The following AGPAT5 variants were observed in gnomAD, a reference collection of about 807,000 sequenced individuals.
AGPAT5 encodes the protein 1-acylglycerol-3-phosphate O-acyltransferase 5.
In AGPAT5, 46 loss-of-function variants were observed where a neutral mutation model predicts 45.6. That is an observed-to-expected ratio of 1.01 (90% CI 0.80 to 1.29). AGPAT5 has a LOEUF of 1.29. AGPAT5 is among the 50% of genes most tolerant of loss of function. The probability of loss-of-function intolerance (pLI) is 0.00; values close to 1 mark genes in which losing one functional copy is unlikely to be tolerated. For synonymous variants in AGPAT5, 272 were observed against 167.0 expected, an observed-to-expected ratio of 1.63 and a Z score of -4.85; for missense variants, 673 against 450.7, an observed-to-expected ratio of 1.49 and a Z score of -4.47.
chr8:6,730,914 G>A (rs1279086953), intron 3 of AGPAT5, 88 bp downstream of exon 3: 1 of 814,390 alleles, frequency 1.2e-6, no homozygotes, highest in Non-Finnish European at 1.9e-6. Context: ...TTATTGCTCA[G>A]GCTGAGTGCA....
At chr8:6,736,085 C>T (rs758223620) in intron 4 of AGPAT5, among the ~76,000 whole-genome samples, 1 of 152,132 alleles carries the variant, frequency 6.6e-6, no homozygotes, top group Non-Finnish European at 1.5e-5. Context: ...AACTCCTGAC[C>T]TCTTGATCCG....
At chr8:6,711,323 C>T (rs1026515753) in intron 1 of AGPAT5, among the ~76,000 whole-genome samples, 1 of 152,188 alleles carries the variant, frequency 6.6e-6, no homozygotes, top group Non-Finnish European at 1.5e-5. Flanking sequence ...TCCCCAATTT[C>T]ACTACTTTAT....
chr8:6,754,128 G>C (rs943324758), intron 6 of AGPAT5, among the ~76,000 whole-genome samples: 1 of 152,150 alleles, frequency 6.6e-6, no homozygotes, highest in Non-Finnish European at 1.5e-5. Flanking sequence ...GTTCTTCAAG[G>C]AACTTAAATA....
At chr8:6,745,583 A>T (rs1443984791) in intron 5 of AGPAT5, among the ~76,000 whole-genome samples, 1 of 152,254 alleles carries the variant, frequency 6.6e-6, no homozygotes, top group African/African-American at 2.4e-5. Flanking sequence ...ACAATGGAGT[A>T]TAATTTTTCT....
chr8:6,723,466 C>G (rs1241900726), intron 1 of AGPAT5, among the ~76,000 whole-genome samples: 2 of 152,284 alleles, frequency 1.3e-5, no homozygotes, highest in East Asian at 3.9e-4. Flanking sequence ...CCGCCCACTC[C>G]ACCTCAGCCT....
At chr8:6,755,568 G>A (rs923903317) in intron 7 of AGPAT5, among the ~76,000 whole-genome samples, 4 of 152,206 alleles carry the variant, frequency 2.6e-5, no homozygotes, top group African/African-American at 9.6e-5. Flanking sequence ...CAAGGGAGGG[G>A]TAGAGGACTA....
intron 2 of AGPAT5, among the ~76,000 whole-genome samples, chr8:6,725,396 G>A (rs546676709): frequency 6.6e-6 from 1 of 152,230 alleles, no homozygotes; most frequent in African/African-American, 2.4e-5. Flanking sequence ...TCTTCAAATG[G>A]GTTTGGTTTA....
At chr8:6,734,729 C>G (rs1563294471) in intron 4 of AGPAT5, among the ~76,000 whole-genome samples, 2 of 151,948 alleles carry the variant, frequency 1.3e-5, no homozygotes, top group Non-Finnish European at 2.9e-5. Context: ...GTCTTGATAC[C>G]TGGAAATGGA....
chr8:6,735,229 CT>C, intron 4 of AGPAT5, among the ~76,000 whole-genome samples: 1 of 152,264 alleles, frequency 6.6e-6, no homozygotes, highest in African/African-American at 2.4e-5. Flanking sequence ...TTTGTTGCCC[CT>C]GTTCATCAGT....
intron 2 of AGPAT5, among the ~76,000 whole-genome samples, chr8:6,725,411 T>G (rs1302746384): frequency 1.3e-5 from 2 of 152,244 alleles, no homozygotes; most frequent in African/African-American, 4.8e-5. Flanking sequence ...GGTTTAATTC[T>G]AGTTGCTACT....
chr8:6,722,708 G>A (rs1194372832), intron 1 of AGPAT5, among the ~76,000 whole-genome samples: 2 of 152,218 alleles, frequency 1.3e-5, no homozygotes, highest in South Asian at 2.1e-4. Context: ...GAAAGCCAGT[G>A]TGTGCAAGAT....
chr8:6,723,008 T>C (rs1010720879), intron 1 of AGPAT5, among the ~76,000 whole-genome samples: 11 of 152,222 alleles, frequency 7.2e-5, no homozygotes, highest in African/African-American at 2.7e-4. Flanking sequence ...GCAGGGTACA[T>C]TTGTAGACGG....
intron 1 of AGPAT5, among the ~76,000 whole-genome samples, chr8:6,722,180 G>A (rs1800524657): frequency 6.6e-6 from 1 of 152,134 alleles, no homozygotes; most frequent in South Asian, 2.1e-4. Context: ...TAAGGGACAG[G>A]GAAACACCTT....
chr8:6,749,985 G>C (rs570703108), intron 6 of AGPAT5, among the ~76,000 whole-genome samples: 78 of 152,304 alleles, frequency 5.1e-4, no homozygotes, highest in Middle Eastern at 3.4e-3. Context: ...CCGTGGTGAA[G>C]CTGGCTGACT....
chr8:6,718,007 A>C (rs775305466), intron 1 of AGPAT5, among the ~76,000 whole-genome samples: 3 of 152,180 alleles, frequency 2.0e-5, no homozygotes, highest in Non-Finnish European at 4.4e-5. Context: ...TTAAGTGTCA[A>C]CTTCTCAGTC....
At chr8:6,745,701 G>T (rs1801423195) in intron 5 of AGPAT5, 1 of 149,362 alleles carries the variant, frequency 6.7e-6, no homozygotes. Flanking sequence ...CGTATTCCCT[G>T]TTATTATTTT....
chr8:6,714,631 T>C lies in AGPAT5; in HGVS notation c.219+5744T>C, dbSNP rs56249077. The stretch of plus-strand genomic sequence containing the variant: ...GTTAAAGTTTCCCCTACTCCTACAC[T>C]GCGTACACCTTTCCTAGGTACATCC... On this transcript the variant is annotated intron_variant, in intron 1 of 7. Coordinates refer to ENST00000285518, the MANE Select transcript of AGPAT5 (RefSeq NM_018361.5). Among the ~76,000 whole-genome samples the C allele has an allele frequency of 5.3e-3, 806 of 152,346 alleles. 6 individuals carry two copies. The highest frequency in any genetic ancestry group is 9.5e-3 in the South Asian group (46 of 4,834).
Position 6,758,939 on chromosome 8 carries a change from G to A in AGPAT5, c.*1551G>A, listed in dbSNP as rs569703723. The A allele has an allele frequency of 6.6e-6, 1 of 152,654 alleles. No individual in the cohort carries two copies. The highest frequency in any genetic ancestry group is 2.1e-4 in the South Asian group (1 of 4,824). The allele number at this position is 152,654 out of a possible 1,614,324, so 9.5% of individuals were successfully genotyped here. ...CAAAATGAAAGAAATAATGATTAAGGGAAAATTAAGTGACTGTGTTACACT... is the reference window on the plus strand; with the variant it reads ...CAAAATGAAAGAAATAATGATTAAGAGAAAATTAAGTGACTGTGTTACACT... On this transcript the variant is annotated 3_prime_UTR_variant, in exon 8 of 8. Coordinates refer to ENST00000285518, the MANE Select transcript of AGPAT5 (RefSeq NM_018361.5).
intron 1 of AGPAT5, among the ~76,000 whole-genome samples, chr8:6,713,925 T>G (rs1800238842): frequency 6.6e-6 from 1 of 152,254 alleles, no homozygotes; most frequent in African/African-American, 2.4e-5. Flanking sequence ...GATCTTTCTT[T>G]GTGTAGCACT....
Sources: gnomAD v4.1 joint callset for allele counts (sites outside exome capture counted in the v4.1 genomes callset) on GRCh38, gnomAD v4.1.1 for gene constraint, MANE v1.5 for transcripts, NCBI Gene and HGNC (gene_info 2026-07-23, HGNC 2026-07-21) for gene names.